PDE10A: variants seen among roughly 807,000 people sequenced by gnomAD.
PDE10A encodes the protein phosphodiesterase 10A, also known as cAMP and cAMP-inhibited cGMP 3',5'-cyclic phosphodiesterase 10A.
A neutral mutation model predicts 97.7 loss-of-function variants in PDE10A; 39 were observed. That is an observed-to-expected ratio of 0.40 (90% CI 0.31 to 0.52). The LOEUF (loss-of-function observed/expected upper bound fraction) is 0.52. PDE10A is among the 20% of genes least tolerant of loss of function. PDE10A has a pLI of 0.56. For missense variants in PDE10A, 731 were observed against 1,047.8 expected, an observed-to-expected ratio of 0.70 and a Z score of 4.17; for synonymous variants, 371 against 376.8, an observed-to-expected ratio of 0.98 and a Z score of 0.18.
At chr6:165,750,167 G>A (rs1390970044) in intron 1 of PDE10A, among the ~76,000 whole-genome samples, 1 of 152,184 alleles carries the variant, frequency 6.6e-6, no homozygotes, top group Non-Finnish European at 1.5e-5. Context: ...TTGTTTGACT[G>A]GAGTGCAAAA....
At chr6:165,700,390 G>A (rs961475157) in intron 1 of PDE10A, among the ~76,000 whole-genome samples, 5 of 152,194 alleles carry the variant, frequency 3.3e-5, no homozygotes, top group African/African-American at 1.2e-4. Context: ...ATTGATTGTG[G>A]TGATGGTTGC....
At chr6:165,889,862 A>C (rs1210209495) in intron 1 of PDE10A, among the ~76,000 whole-genome samples, 198 of 85,436 alleles carry the variant, frequency 2.3e-3, no homozygotes, top group East Asian at 2.9e-3. Flanking sequence ...CTCCTCCCTC[A>C]CTCACTCCTC....
intron 2 of PDE10A, among the ~76,000 whole-genome samples, chr6:165,486,712 T>G (rs1004777543): frequency 2.6e-5 from 4 of 152,150 alleles, no homozygotes; most frequent in African/African-American, 9.7e-5. Flanking sequence ...CAGAGATGTC[T>G]TTTAGAAAAA....
chr6:165,736,174 C>T (rs76346913), intron 1 of PDE10A, among the ~76,000 whole-genome samples: 9,146 of 152,174 alleles, frequency 0.06, 382 homozygotes, highest in Middle Eastern at 0.13. Flanking sequence ...GCAAAAGTAA[C>T]GGCTGCAAAC....
At chr6:165,707,532 G>A (rs1791744598) in intron 1 of PDE10A, among the ~76,000 whole-genome samples, 1 of 152,216 alleles carries the variant, frequency 6.6e-6, no homozygotes, top group Non-Finnish European at 1.5e-5. Flanking sequence ...TACCAATTGT[G>A]TGAGGACATT....
chr6:165,409,164 C>CAAAA (rs61455081), intron 13 of PDE10A, among the ~76,000 whole-genome samples: 2 of 108,136 alleles, frequency 1.8e-5, no homozygotes, highest in African/African-American at 3.6e-5. Flanking sequence ...GACTCCATCT[C>CAAAA]AAAAAAAAAA....
rs1491217527 is a variant in PDE10A at position 165,749,220 on chromosome 6, T to TACCAC, written c.-614-205653_-614-205652insGTGGT. Among the ~76,000 whole-genome samples, 37 of 4,008 alleles carry TACCAC rather than the reference T, an allele frequency of 9.2e-3. 1 individual carries two copies. Among genetic ancestry groups the TACCAC allele is most frequent in the East Asian group, 0.026 (5 of 196 alleles). 2.6% of individuals were successfully genotyped at this position (4,008 alleles called of 152,430 possible). ...ACCATCACCATCATCACCATCACCA[T>TACCAC]CATATCACCATCACCACCATCACAT... On this transcript the variant is annotated intron_variant, in intron 1 of 19. Transcript: ENST00000366882.
At position 165,425,484 on chromosome 6, in the gene PDE10A, C is replaced by T. The variant is rs183879662; in HGVS notation, c.1653+3174G>A. 1.8e-3 allele frequency among the ~76,000 whole-genome samples: 274 copies of T among 152,160 alleles called. 1 individual carries two copies. Among genetic ancestry groups the T allele is most frequent in the Non-Finnish European group, 2.8e-3 (187 of 67,968 alleles). ...ATGCACAAAAATTGACAAACTGTAA[C>T]ATACCTGCATGATAAAAACACGCAA... On this transcript the variant is annotated intron_variant, in intron 10 of 21. Coordinates refer to ENST00000539869, the MANE Select transcript of PDE10A (RefSeq NM_001385079.1).
chr6:165,351,257 T>C (rs1457783985), intron 18 of PDE10A, among the ~76,000 whole-genome samples: 1 of 152,152 alleles, frequency 6.6e-6, no homozygotes, highest in African/African-American at 2.4e-5. Context: ...GGTCACAATG[T>C]CAATATGAGT....
intron 1 of PDE10A, among the ~76,000 whole-genome samples, chr6:165,611,333 A>T (rs573217846): frequency 3.9e-4 from 60 of 152,246 alleles, no homozygotes; most frequent in Non-Finnish European, 7.5e-4. Flanking sequence ...CAGGACTGAA[A>T]ACATGTCCTC....
At chr6:165,925,526 G>T (rs1782906915) in intron 1 of PDE10A, among the ~76,000 whole-genome samples, 1 of 152,122 alleles carries the variant, frequency 6.6e-6, no homozygotes, top group African/African-American at 2.4e-5. Context: ...TAAACAAACT[G>T]GTATGTCCAC....
chr6:165,907,338 C>G (rs1335222752), intron 1 of PDE10A, among the ~76,000 whole-genome samples: 2 of 152,208 alleles, frequency 1.3e-5, no homozygotes, highest in Non-Finnish European at 2.9e-5. Flanking sequence ...CGTGGAAGGC[C>G]AGGGGCATAG....
At chr6:165,387,077 TG>T (rs1283809468) in intron 17 of PDE10A, among the ~76,000 whole-genome samples, 2 of 152,122 alleles carry the variant, frequency 1.3e-5, no homozygotes, top group East Asian at 3.9e-4. Context: ...TGTAAACATA[TG>T]TCATTTAAAA....
chr6:165,507,968 G>A (rs1781295984), intron 2 of PDE10A, among the ~76,000 whole-genome samples: 1 of 151,994 alleles, frequency 6.6e-6, no homozygotes, highest in Non-Finnish European at 1.5e-5. Context: ...TTCAACTTAT[G>A]TAGATATATT....
intron 1 of PDE10A, among the ~76,000 whole-genome samples, chr6:165,968,128 C>A (rs1041900783): frequency 6.6e-6 from 1 of 152,136 alleles, no homozygotes; most frequent in African/African-American, 2.4e-5. Flanking sequence ...GGTGGCAGTG[C>A]CCCTCCTCCA....
At chr6:165,970,282 A>G (rs948208988) in intron 1 of PDE10A, among the ~76,000 whole-genome samples, 3 of 152,230 alleles carry the variant, frequency 2.0e-5, no homozygotes, top group African/African-American at 7.2e-5. Flanking sequence ...GCTATCAAAG[A>G]TGTTATTAGA....
At chr6:165,600,286 G>C (rs1351372137) in intron 1 of PDE10A, among the ~76,000 whole-genome samples, 1 of 152,198 alleles carries the variant, frequency 6.6e-6, no homozygotes, top group Non-Finnish European at 1.5e-5. Flanking sequence ...TACCACCCGG[G>C]AGAGGGAGAG....
intron 1 of PDE10A, among the ~76,000 whole-genome samples, chr6:165,697,699 A>C (rs901962429): frequency 6.6e-6 from 1 of 152,208 alleles, no homozygotes; most frequent in African/African-American, 2.4e-5. Flanking sequence ...GGAGGCTTTC[A>C]GGGACTGGGT....
intron 3 of PDE10A, among the ~76,000 whole-genome samples, chr6:165,451,993 C>T (rs983797533): frequency 5.3e-5 from 8 of 152,212 alleles, no homozygotes; most frequent in African/African-American, 1.9e-4. Flanking sequence ...TATTCAAAGG[C>T]TTAGCAAGAT....
Sources: allele counts gnomAD v4.1 joint callset (sites outside exome capture counted in the v4.1 genomes callset), GRCh38; gene constraint gnomAD v4.1.1; transcripts MANE v1.5; gene names NCBI Gene and HGNC (gene_info 2026-07-23, HGNC 2026-07-21).